ANKRD26: variants seen among roughly 807,000 people sequenced by gnomAD.
ANKRD26 encodes ankyrin repeat domain-containing protein 26.
Under a neutral mutation model 208.7 loss-of-function variants are expected in ANKRD26, and 141 were observed. That is an observed-to-expected ratio of 0.68 (90% confidence interval 0.59 to 0.78). ANKRD26 has a LOEUF of 0.78. Ranked by LOEUF, ANKRD26 falls within the 30% of genes least tolerant of loss-of-function variation. The pLI, the probability that ANKRD26 is intolerant of heterozygous loss-of-function variation, is 0.00. For synonymous variants in ANKRD26, 636 were observed against 660.4 expected, an observed-to-expected ratio of 0.96 and a Z score of 0.57; for missense variants, 1,889 against 1,938.7, an observed-to-expected ratio of 0.97 and a Z score of 0.48.
At chr10:26,976,355 C>T (rs1053218481) in intron 5 of ANKRD26, among the ~76,000 whole-genome samples, 1 of 152,126 alleles carries the variant, frequency 6.6e-6, no homozygotes. Context: ...GCTGGGATTA[C>T]AGGTGCCCAC....
chr10:27,084,756 C>T (rs1002942249), intron 5 of ANKRD26, among the ~76,000 whole-genome samples: 1 of 151,572 alleles, frequency 6.6e-6, no homozygotes, highest in Admixed American at 6.6e-5. Flanking sequence ...GTAATCTTGG[C>T]TACTTGGGAG....
intron 1 of ANKRD26, among the ~76,000 whole-genome samples, chr10:27,097,701 T>C (rs960529494): frequency 4.6e-5 from 7 of 152,166 alleles, no homozygotes; most frequent in East Asian, 1.9e-4. Flanking sequence ...CCAGGGTGGA[T>C]TGCAGTGGTG....
chr10:27,069,609 T>C (rs1444208873), intron 9 of ANKRD26, among the ~76,000 whole-genome samples: 1 of 152,116 alleles, frequency 6.6e-6, no homozygotes, highest in Non-Finnish European at 1.5e-5. Flanking sequence ...GGACCCCGCC[T>C]ACCCAGGGGA....
At chr10:27,015,931 C>T (rs1411591215) in intron 30 of ANKRD26, among the ~76,000 whole-genome samples, 3 of 152,204 alleles carry the variant, frequency 2.0e-5, no homozygotes, top group Admixed American at 1.3e-4. Context: ...CTCAGACACA[C>T]ACACACTCAC....
chr10:26,954,608 C>T, the ANKRD26 span, among the ~76,000 whole-genome samples: 1 of 152,018 alleles, frequency 6.6e-6, no homozygotes, highest in Non-Finnish European at 1.5e-5. Context: ...TGGTGATACA[C>T]TTTGACAATA....
rs553217276 is a variant in ANKRD26, at chr10:26,997,148, G to A, written c.563-2001C>T. 3.3e-5 allele frequency among the ~76,000 whole-genome samples: 5 copies of A among 152,262 alleles called. No individual in the cohort carries two copies. The South Asian group carries it at 1.0e-3, about 32-fold the overall frequency. On this transcript the variant is annotated intron_variant, in intron 4 of 5. Transcript: ENST00000445828. ...ATCTCAGGGCATATTAGGAACATGT[G>A]GGACAGACTGAGTGGGTCACATTTA... is the stretch of plus-strand genomic sequence containing the variant.
In ANKRD26 at chr10:27,005,400, C is replaced by T; in HGVS notation, c.*190G>A. On this transcript the variant is annotated 3_prime_UTR_variant, in exon 34 of 34. Transcript: ENST00000376087. The stretch of plus-strand genomic sequence containing the variant: ...TTTGAGTATGTAAAACTCAATATTC[C>T]TGGTTTTCATTGGCAAAATCCACTT... 1.5e-6 allele frequency: 2 copies of T among 1,331,044 alleles called. No individual in the cohort carries two copies. Among genetic ancestry groups the T allele is most frequent in the Non-Finnish European group, 1.9e-6 (2 of 1,041,268 alleles). 82.5% of individuals were successfully genotyped at this position (1,331,044 alleles called of 1,614,324 possible).
At chr10:27,053,524 G>T in intron 15 of ANKRD26, 134 bp from the exon 16 acceptor site, 1 of 621,848 alleles carries the variant, frequency 1.6e-6, no homozygotes, top group Non-Finnish European at 2.6e-6. Context: ...TTGTTTATGA[G>T]ACAGGGCCTT....
chr10:27,062,021 A>G, intron 12 of ANKRD26: 1 of 985,260 alleles, frequency 1.0e-6, no homozygotes, highest in Middle Eastern at 5.2e-4. Flanking sequence ...TCCATCTGAA[A>G]TGAGTTCTCT....
intron 32 of ANKRD26, among the ~76,000 whole-genome samples, chr10:27,007,196 C>G (rs1204437523): frequency 6.6e-6 from 1 of 152,146 alleles, no homozygotes; most frequent in Non-Finnish European, 1.5e-5. Context: ...TATTGGTCTA[C>G]TGCATATATA....
chr10:26,981,415 G>C (rs372106973), intron 4 of ANKRD26, among the ~76,000 whole-genome samples: 2 of 152,128 alleles, frequency 1.3e-5, no homozygotes, highest in African/African-American at 4.8e-5. Flanking sequence ...GCTAACTTAC[G>C]TGTTCTTTTT....
chr10:27,012,432 T>C (rs963417848), intron 32 of ANKRD26, among the ~76,000 whole-genome samples: 3 of 152,142 alleles, frequency 2.0e-5, no homozygotes, highest in Non-Finnish European at 4.4e-5. Context: ...TTCCTCACTT[T>C]ATTAGCACAG....
Position 27,012,921 on chromosome 10 carries a change from T to C in ANKRD26, c.4914A>G (p.Pro1638=). The change falls in exon 32 of 34, where the codon CCA becomes CCG. Residue 1638 remains proline (P), a synonymous_variant. Transcript: ENST00000376087. The part of the protein sequence containing the change: ...RENLVISTSN[P]RASNNSMENY... ...TCTCCATGCTATTATTTGAAGCCCG[T>C]GGATTTGAGGTAGAGATCACTAAGT... 1 of 1,613,944 alleles carries C rather than the reference T, an allele frequency of 6.2e-7. No homozygotes were observed. The highest frequency in any genetic ancestry group is 8.5e-7 in the Non-Finnish European group (1 of 1,179,896).
chr10:27,069,297 T>C (rs1200847911), intron 9 of ANKRD26, among the ~76,000 whole-genome samples: 1 of 151,502 alleles, frequency 6.6e-6, no homozygotes, highest in East Asian at 1.9e-4. Flanking sequence ...GAGGGAAAAC[T>C]GGAGTGCAAG....
intron 5 of ANKRD26, among the ~76,000 whole-genome samples, chr10:27,084,080 GCA>G (rs2056025167): frequency 6.6e-6 from 1 of 152,074 alleles, no homozygotes. Context: ...AGGCATGGTA[GCA>G]CGCACCTGTG....
Position 27,094,940 on chromosome 10 carries a change from T to C in ANKRD26, c.243-1141A>G, listed in dbSNP as rs752322873. Among the ~76,000 whole-genome samples, 3 of 150,676 alleles carry C rather than the reference T, an allele frequency of 2.0e-5. No individual in the cohort carries two copies. The Admixed American group carries it at 2.0e-4, about 10-fold the overall frequency. On this transcript the variant is annotated intron_variant, in intron 1 of 33. Transcript: ENST00000376087. ...GCTTGAGCCCAGGAGGTTGAGGCTG[T>C]AGTGAGCTGTGATTGTGCCACTGTA...
the ANKRD26 span, among the ~76,000 whole-genome samples, chr10:26,966,753 G>T: frequency 6.6e-6 from 1 of 152,134 alleles, no homozygotes; most frequent in East Asian, 1.9e-4. Context: ...AGCAAAAGAG[G>T]GGCCAGTTAG....
In ANKRD26 at chr10:27,077,402, T is replaced by C. The variant is rs369696684; in HGVS notation, c.1013A>G (p.Tyr338Cys). The change falls in exon 9 of 34, where the codon TAT (tyrosine) becomes TGT (cysteine). Residue 338 changes from tyrosine to cysteine, a missense_variant. This residue lies in a region of ANKRD26 where 1,272 missense variants were observed against 1,273.8 expected (regional missense o/e 1.00). Coordinates refer to ENST00000376087, the MANE Select transcript of ANKRD26 (RefSeq NM_014915.3). ...IKVQCFSHPT[Y>C]QSPDLLPKPS... ...TTTTGGAAGAAGGTCAGGTGATTGA[T>C]AGGTAGGATGAGAAAAGCACTGGAC... The C allele has an allele frequency of 5.0e-6, 8 of 1,613,934 alleles. No individual in the cohort carries two copies. The highest frequency in any genetic ancestry group is 1.6e-4 in the Middle Eastern group (1 of 6,082).
intron 4 of ANKRD26, among the ~76,000 whole-genome samples, chr10:27,088,082 G>C (rs1255144482): frequency 6.6e-6 from 1 of 152,062 alleles, no homozygotes; most frequent in Non-Finnish European, 1.5e-5. Context: ...CACTGCACCT[G>C]GCCTCACTTT....
Sources: gnomAD v4.1 joint callset for allele counts (sites outside exome capture counted in the v4.1 genomes callset) on GRCh38, gnomAD v4.1.1 for gene constraint, gnomAD v4.1.1 regional missense constraint, MANE v1.5 for transcripts, NCBI Gene and HGNC (gene_info 2026-07-23, HGNC 2026-07-21) for gene names.